The following ZBBX variants were observed in gnomAD, a reference collection of about 807,000 sequenced individuals.
The protein encoded by ZBBX is zinc finger B-box domain containing.
A neutral mutation model predicts 108.5 loss-of-function variants in ZBBX; 101 were observed. The ratio of observed to expected loss-of-function variants is 0.93; its 90% CI spans 0.79 to 1.10. The LOEUF is 1.10. Ranked by LOEUF, ZBBX falls within the 50% of genes least tolerant of loss-of-function variation. The probability of loss-of-function intolerance (pLI) is 0.00; values close to 1 mark genes in which losing one functional copy is unlikely to be tolerated. For synonymous variants in ZBBX, 356 were observed against 323.4 expected, an observed-to-expected ratio of 1.10 and a Z score of -1.08; for missense variants, 1,009 against 941.4, an observed-to-expected ratio of 1.07 and a Z score of -0.94.
At chr3:167,304,098 A>AT (rs1733180801) in intron 17 of ZBBX, among the ~76,000 whole-genome samples, 1 of 152,104 alleles carries the variant, frequency 6.6e-6, no homozygotes, top group South Asian at 2.1e-4. Context: ...ATACTGTCTT[A>AT]TTCTTAAGTT....
intron 16 of ZBBX, among the ~76,000 whole-genome samples, chr3:167,309,165 T>C (rs1043840788): frequency 6.6e-6 from 1 of 152,204 alleles, no homozygotes; most frequent in Non-Finnish European, 1.5e-5. Flanking sequence ...CTACTCTGGG[T>C]ACAGTGCTTA....
At chr3:167,255,782 G>A (rs1723401033) in intron 20 of ZBBX, among the ~76,000 whole-genome samples, 1 of 151,994 alleles carries the variant, frequency 6.6e-6, no homozygotes, top group Admixed American at 6.6e-5. Context: ...ATCTCCCCAG[G>A]CATTACGCTT....
chr3:167,227,617 A>G, the ZBBX span, among the ~76,000 whole-genome samples: 1 of 151,734 alleles, frequency 6.6e-6, no homozygotes. Context: ...TTAAACTCTG[A>G]AGAAAGGCAT....
At chr3:167,308,802 G>T (rs1412939053) in intron 16 of ZBBX, among the ~76,000 whole-genome samples, 1 of 152,232 alleles carries the variant, frequency 6.6e-6, no homozygotes, top group Admixed American at 6.5e-5. Flanking sequence ...CCTATTGAAG[G>T]GTGAGGGTGG....
intron 21 of ZBBX, among the ~76,000 whole-genome samples, chr3:167,242,008 G>A (rs888584593): frequency 2.0e-5 from 3 of 152,028 alleles, no homozygotes; most frequent in African/African-American, 7.2e-5. Context: ...CTTGTAAGCT[G>A]ATCTGACCAT....
intron 6 of ZBBX, among the ~76,000 whole-genome samples, chr3:167,361,392 A>C (rs1218413580): frequency 6.6e-6 from 1 of 152,164 alleles, no homozygotes; most frequent in Admixed American, 6.6e-5. Flanking sequence ...TCTTATTAAA[A>C]CCAACATTTA....
chr3:167,393,294 T>G (rs554323245), intron 1 of ZBBX, among the ~76,000 whole-genome samples: 24 of 151,894 alleles, frequency 1.6e-4, no homozygotes, highest in Admixed American at 2.6e-4. Flanking sequence ...TTCTATGTTA[T>G]TTAAGCCACT....
chr3:167,402,911 T>A (rs1159664779), intron 1 of ZBBX, among the ~76,000 whole-genome samples: 1 of 151,998 alleles, frequency 6.6e-6, no homozygotes, highest in Non-Finnish European at 1.5e-5. Context: ...AACAAACTGT[T>A]AAATACATAA....
intron 19 of ZBBX, among the ~76,000 whole-genome samples, chr3:167,287,503 A>G (rs746205466): frequency 5.9e-5 from 9 of 152,132 alleles, no homozygotes; most frequent in Non-Finnish European, 1.2e-4. Flanking sequence ...TAAGCTCTTA[A>G]GCAATAGAGA....
At chr3:167,251,467 G>A (rs567869989) in intron 20 of ZBBX, among the ~76,000 whole-genome samples, 10 of 152,288 alleles carry the variant, frequency 6.6e-5, no homozygotes, top group African/African-American at 1.9e-4. Flanking sequence ...CAGTCAGCCT[G>A]TCTGTATGCT....
At chr3:167,367,240 G>A (rs954231610) in intron 5 of ZBBX, among the ~76,000 whole-genome samples, 1 of 151,700 alleles carries the variant, frequency 6.6e-6, no homozygotes, top group Non-Finnish European at 1.5e-5. Context: ...CACCTATTTG[G>A]AAGACAATTT....
intron 20 of ZBBX, among the ~76,000 whole-genome samples, chr3:167,268,993 G>A (rs1726069382): frequency 6.6e-6 from 1 of 152,160 alleles, no homozygotes; most frequent in Non-Finnish European, 1.5e-5. Context: ...CCTGGAGCTG[G>A]GAGAGAAGAA....
chr3:167,350,389 A>G, intron 9 of ZBBX, 31 bp downstream of exon 9: 2 of 1,515,642 alleles, frequency 1.3e-6, no homozygotes, highest in Non-Finnish European at 1.8e-6. Flanking sequence ...TTATAAACAC[A>G]CTACAAGTAA....
At chr3:167,232,124 T>G in the ZBBX span, among the ~76,000 whole-genome samples, 2 of 151,818 alleles carry the variant, frequency 1.3e-5, no homozygotes, top group Non-Finnish European at 1.5e-5. Context: ...TGGGACATAC[T>G]TTTTAGAAAT....
At position 167,366,273 on chromosome 3, in the gene ZBBX, G is replaced by T. The variant is rs534854145; in HGVS notation, c.183-297C>A. 8.6e-5 allele frequency among the ~76,000 whole-genome samples: 13 copies of T among 151,872 alleles called. No individual in the cohort carries two copies. In the East Asian group the frequency reaches 2.5e-3, roughly 29 times the overall value. ...TGACTAAAGATAGCTTTATTGATTT[G>T]TAGGAAACTTTACAGGTCTTTATGA... is the stretch of plus-strand genomic sequence containing the variant. On this transcript the variant is annotated intron_variant, in intron 5 of 21. Coordinates refer to ENST00000675490, the MANE Select transcript of ZBBX (RefSeq NM_001199201.2).
At chr3:167,187,186 A>G in the ZBBX span, among the ~76,000 whole-genome samples, 2 of 152,214 alleles carry the variant, frequency 1.3e-5, no homozygotes, top group East Asian at 1.9e-4. Flanking sequence ...TACCAGCCTT[A>G]TTAAAATGAA....
At chr3:167,382,245 A>T (rs987281154), upstream of ZBBX, among the ~76,000 whole-genome samples, 3 of 152,236 alleles carry the variant, frequency 2.0e-5, no homozygotes, top group African/African-American at 7.2e-5. Flanking sequence ...AACTAAGCCT[A>T]TGCTAAGTCA....
chr3:167,296,736 A>G (rs11924749), intron 18 of ZBBX, among the ~76,000 whole-genome samples: 50,256 of 151,846 alleles, frequency 0.33, 8,753 homozygotes, highest in East Asian at 0.66. Flanking sequence ...AGCCACACAT[A>G]AAAAGAAACA....
chr3:167,270,411 C>T (rs1169751179), intron 20 of ZBBX, among the ~76,000 whole-genome samples: 1 of 152,162 alleles, frequency 6.6e-6, no homozygotes, highest in Non-Finnish European at 1.5e-5. Flanking sequence ...TGACCATCTC[C>T]TGTGGACTTC....
Sources: gnomAD v4.1 joint callset for allele counts (sites outside exome capture counted in the v4.1 genomes callset) on GRCh38, gnomAD v4.1.1 for gene constraint, MANE v1.5 for transcripts, NCBI Gene and HGNC (gene_info 2026-07-23, HGNC 2026-07-21) for gene names.